ASIC2: variants seen among roughly 807,000 people sequenced by gnomAD.
ASIC2 encodes acid-sensing ion channel 2.
In ASIC2, 25 loss-of-function variants were observed where a neutral mutation model predicts 57.3. That is an observed-to-expected ratio of 0.44 (90% CI 0.32 to 0.61). The LOEUF (loss-of-function observed/expected upper bound fraction) is 0.61. Ranked by LOEUF, ASIC2 falls within the 20% of genes least tolerant of loss-of-function variation. ASIC2 has a pLI of 0.06. For synonymous variants in ASIC2, 319 were observed against 307.5 expected (o/e 1.04, Z -0.39); for missense variants, 641 against 738.1 (o/e 0.87, Z 1.52).
chr17:33,579,915 A>T (rs544112850), intron 1 of ASIC2, among the ~76,000 whole-genome samples: 7 of 143,182 alleles, frequency 4.9e-5, no homozygotes, highest in Non-Finnish European at 9.7e-5. Flanking sequence ...GGTCCATTTT[A>T]CAGAGAGCTG....
chr17:33,961,416 T>C (rs1904916564), intron 1 of ASIC2, among the ~76,000 whole-genome samples: 1 of 152,128 alleles, frequency 6.6e-6, no homozygotes, highest in African/African-American at 2.4e-5. Flanking sequence ...GAGGCTAGAA[T>C]AGAGCAGAGA....
chr17:33,579,604 G>T (rs576794923), intron 1 of ASIC2, among the ~76,000 whole-genome samples: 2 of 151,790 alleles, frequency 1.3e-5, no homozygotes, highest in African/African-American at 2.4e-5. Context: ...GGTGTGTCGG[G>T]AGTTTGTTCC....
At chr17:33,452,551 A>G (rs916556058) in intron 1 of ASIC2, among the ~76,000 whole-genome samples, 1 of 152,130 alleles carries the variant, frequency 6.6e-6, no homozygotes. Flanking sequence ...GTAGACAGTC[A>G]CTGTTTCTCA....
intron 1 of ASIC2, among the ~76,000 whole-genome samples, chr17:33,333,128 A>G (rs7223147): frequency 0.14 from 21,766 of 152,132 alleles, 1,809 homozygotes; most frequent in African/African-American, 0.23. Context: ...GTGATTGGAG[A>G]CTGGCCATCC....
At chr17:33,813,505 T>C (rs953273237) in intron 1 of ASIC2, among the ~76,000 whole-genome samples, 8 of 152,296 alleles carry the variant, frequency 5.3e-5, no homozygotes, top group Admixed American at 2.0e-4. Flanking sequence ...GGCACAATCT[T>C]GGCTCACTGC....
At chr17:33,367,209 T>C (rs1213631849) in intron 1 of ASIC2, among the ~76,000 whole-genome samples, 1 of 152,178 alleles carries the variant, frequency 6.6e-6, no homozygotes, top group African/African-American at 2.4e-5. Flanking sequence ...AGGAGATGGA[T>C]TGAGCTGGGA....
At chr17:33,130,507 A>G (rs962185651) in intron 1 of ASIC2, among the ~76,000 whole-genome samples, 2 of 152,220 alleles carry the variant, frequency 1.3e-5, no homozygotes, top group Non-Finnish European at 2.9e-5. Context: ...AACAATTTTG[A>G]TTGTCAGTTG....
At chr17:33,958,241 T>C (rs950527824) in intron 1 of ASIC2, among the ~76,000 whole-genome samples, 6 of 152,172 alleles carry the variant, frequency 3.9e-5, no homozygotes, top group African/African-American at 1.4e-4. Flanking sequence ...TGTAAGTGGA[T>C]CGACCATTCT....
intron 1 of ASIC2, among the ~76,000 whole-genome samples, chr17:33,775,992 G>T (rs1410546371): frequency 6.6e-6 from 1 of 152,090 alleles, no homozygotes; most frequent in Non-Finnish European, 1.5e-5. Context: ...AATTAGCCGG[G>T]TGTGGTGGTG....
chr17:33,689,785 G>A (rs1908310307), intron 1 of ASIC2, among the ~76,000 whole-genome samples: 2 of 152,220 alleles, frequency 1.3e-5, no homozygotes, highest in Non-Finnish European at 2.9e-5. Flanking sequence ...CCTCTTCAGT[G>A]CCAGAAGAGA....
intron 1 of ASIC2, among the ~76,000 whole-genome samples, chr17:33,796,332 G>T (rs188177687): frequency 1.3e-5 from 2 of 152,246 alleles, no homozygotes; most frequent in Admixed American, 1.3e-4. Context: ...CTGCCAGTTT[G>T]TGTCCTTGAA....
At chr17:33,057,393 A>AATC (rs1335067831) in intron 3 of ASIC2, among the ~76,000 whole-genome samples, 1 of 152,218 alleles carries the variant, frequency 6.6e-6, no homozygotes, top group African/African-American at 2.4e-5. Context: ...CTGAGCTATA[A>AATC]ATCAAGGGGA....
chr17:33,667,549 G>A (rs1320834037), intron 1 of ASIC2, among the ~76,000 whole-genome samples: 5 of 152,278 alleles, frequency 3.3e-5, no homozygotes, highest in African/African-American at 9.6e-5. Context: ...ACAGAGGGGC[G>A]TGGGCTTCCG....
intron 1 of ASIC2, among the ~76,000 whole-genome samples, chr17:34,031,259 A>G (rs570650442): frequency 6.6e-6 from 1 of 152,218 alleles, no homozygotes; most frequent in Non-Finnish European, 1.5e-5. Context: ...CAGGGTCTGG[A>G]GTGGACCTCT....
At chr17:34,065,955 C>T (rs1031620419) in intron 1 of ASIC2, among the ~76,000 whole-genome samples, 18 of 152,136 alleles carry the variant, frequency 1.2e-4, no homozygotes, top group Admixed American at 4.6e-4. Flanking sequence ...CCAACACTCT[C>T]GAGATAGTAT....
intron 1 of ASIC2, among the ~76,000 whole-genome samples, chr17:34,082,801 G>A (rs983415592): frequency 6.6e-6 from 1 of 152,232 alleles, no homozygotes; most frequent in Non-Finnish European, 1.5e-5. Flanking sequence ...TAAGTAACCA[G>A]TCCAGGTCAC....
At chr17:33,799,371 TTTCTTCC>T (rs1484677104) in intron 1 of ASIC2, among the ~76,000 whole-genome samples, 28 of 115,430 alleles carry the variant, frequency 2.4e-4, no homozygotes, top group African/African-American at 9.2e-4. Context: ...TCTTTCTTTC[TTTCTTCC>T]TTTCTTTCTT....
intron 1 of ASIC2, among the ~76,000 whole-genome samples, chr17:33,686,657 G>A (rs1908204363): frequency 6.6e-6 from 1 of 152,226 alleles, no homozygotes; most frequent in African/African-American, 2.4e-5. Flanking sequence ...TGGCCTTGCA[G>A]TCAGAATGAC....
intron 1 of ASIC2, among the ~76,000 whole-genome samples, chr17:33,621,740 A>G (rs1905807345): frequency 6.6e-6 from 1 of 152,124 alleles, no homozygotes; most frequent in Admixed American, 6.5e-5. Flanking sequence ...CTGTCACCAA[A>G]ATGCTAGGGT....
Sources: gnomAD v4.1 joint callset for allele counts (sites outside exome capture counted in the v4.1 genomes callset) on GRCh38, gnomAD v4.1.1 for gene constraint, MANE v1.5 for transcripts, NCBI Gene and HGNC (gene_info 2026-07-23, HGNC 2026-07-21) for gene names.